NTM: variants seen among roughly 807,000 people sequenced by gnomAD.
The protein encoded by NTM is neurotrimin, also known as IgLON family member 2.
A neutral mutation model predicts 42.1 loss-of-function variants in NTM; 13 were observed. That is an observed-to-expected ratio of 0.31 (90% CI 0.20 to 0.49). NTM has a LOEUF of 0.49. NTM is among the 20% of genes least tolerant of loss of function. The pLI is 0.99. For missense variants in NTM, 373 were observed against 452.8 expected (o/e 0.82, Z 1.60); for synonymous variants, 187 against 179.2 (o/e 1.04, Z -0.35).
At chr11:131,858,848 C>T (rs2136931775) in intron 1 of NTM, among the ~76,000 whole-genome samples, 1 of 152,300 alleles carries the variant, frequency 6.6e-6, no homozygotes, top group African/African-American at 2.4e-5. Flanking sequence ...CCAGGCAACT[C>T]CAAACTTCTG....
intron 1 of NTM, chr11:131,661,011 C>G: frequency 3.8e-6 from 5 of 1,304,330 alleles, no homozygotes; most frequent in Non-Finnish European, 4.0e-6. Context: ...GAAAAAGAAA[C>G]GGGGAAGGTG....
intron 2 of NTM, among the ~76,000 whole-genome samples, chr11:131,928,572 G>A (rs867375887): frequency 2.7e-5 from 4 of 149,198 alleles, no homozygotes; most frequent in East Asian, 2.0e-4. Flanking sequence ...ATGGTCTCCC[G>A]TCTGTGTTTT....
intron 4 of NTM, among the ~76,000 whole-genome samples, chr11:132,264,984 C>T (rs932252534): frequency 6.6e-6 from 1 of 152,172 alleles, no homozygotes; most frequent in African/African-American, 2.4e-5. Context: ...CCAAAAGCTC[C>T]ACCTCCAATC....
intron 1 of NTM, among the ~76,000 whole-genome samples, chr11:131,510,967 G>A (rs1156671442): frequency 2.0e-5 from 3 of 152,238 alleles, no homozygotes; most frequent in Admixed American, 1.3e-4. Flanking sequence ...GGGCCATACT[G>A]TGTCCTAACC....
At chr11:131,397,659 C>A (rs977497800) in intron 1 of NTM, among the ~76,000 whole-genome samples, 1 of 152,190 alleles carries the variant, frequency 6.6e-6, no homozygotes, top group Non-Finnish European at 1.5e-5. Context: ...GGACTAGCAA[C>A]CTCCTTTCCT....
At chr11:131,594,374 A>G (rs558737299) in intron 1 of NTM, among the ~76,000 whole-genome samples, 3 of 152,128 alleles carry the variant, frequency 2.0e-5, no homozygotes, top group Admixed American at 2.0e-4. Flanking sequence ...ACATTCTCAT[A>G]TTACATTTAT....
In NTM at chr11:131,370,707, C is replaced by T; in HGVS notation, c.-100C>T. 2.0e-6 allele frequency: 2 copies of T among 1,007,716 alleles called. No individual in the cohort carries two copies. Among genetic ancestry groups the T allele is most frequent in the Non-Finnish European group, 2.9e-6 (2 of 678,450 alleles). 62.4% of individuals were successfully genotyped at this position (1,007,716 alleles called of 1,614,324 possible). On this transcript the variant is annotated 5_prime_UTR_variant, in exon 1 of 9. Transcript: ENST00000683400. ...CTTCAGCAAAACAGTGGATTTAAAT[C>T]TCCTTGCACAAGCTTGAGAGCAACA...
At chr11:132,157,164 A>G (rs1427518143) in intron 3 of NTM, among the ~76,000 whole-genome samples, 1 of 152,210 alleles carries the variant, frequency 6.6e-6, no homozygotes, top group Non-Finnish European at 1.5e-5. Context: ...AAGCCACTAA[A>G]TATATGGAAA....
At chr11:131,952,027 A>T (rs1013602914) in intron 2 of NTM, among the ~76,000 whole-genome samples, 1 of 152,124 alleles carries the variant, frequency 6.6e-6, no homozygotes, top group Non-Finnish European at 1.5e-5. Context: ...AACAAGTCTG[A>T]TAATACATTC....
At chr11:131,772,941 C>T (rs1272704306) in intron 1 of NTM, among the ~76,000 whole-genome samples, 2 of 152,110 alleles carry the variant, frequency 1.3e-5, no homozygotes, top group Non-Finnish European at 2.9e-5. Context: ...ATTTTTTAGA[C>T]AGACAAAGAG....
chr11:131,527,503 G>T (rs993909221), intron 1 of NTM, among the ~76,000 whole-genome samples: 1 of 152,148 alleles, frequency 6.6e-6, no homozygotes, highest in African/African-American at 2.4e-5. Flanking sequence ...ATTACACTGA[G>T]ATTTGCTCTA....
At chr11:131,908,888 C>T (rs2054258671) in intron 1 of NTM, among the ~76,000 whole-genome samples, 2 of 152,176 alleles carry the variant, frequency 1.3e-5, no homozygotes, top group Non-Finnish European at 2.9e-5. Flanking sequence ...AAACAAAGAT[C>T]TTCTGCTCCC....
At chr11:131,795,729 G>T in intron 1 of NTM, 2 of 985,372 alleles carry the variant, frequency 2.0e-6, no homozygotes, top group Non-Finnish European at 2.4e-6. Flanking sequence ...TGCCTGAGGT[G>T]GTGACAGTGT....
intron 1 of NTM, among the ~76,000 whole-genome samples, chr11:131,680,165 T>C (rs912318658): frequency 2.0e-5 from 3 of 152,102 alleles, no homozygotes; most frequent in Non-Finnish European, 2.9e-5. Flanking sequence ...TACGTCTCTG[T>C]GTTGGCCGTC....
At chr11:131,405,504 G>T (rs1292588732) in intron 1 of NTM, among the ~76,000 whole-genome samples, 2 of 151,952 alleles carry the variant, frequency 1.3e-5, no homozygotes, top group Non-Finnish European at 2.9e-5. Flanking sequence ...AGCATTTCTT[G>T]TTAGTTCTAC....
intron 3 of NTM, among the ~76,000 whole-genome samples, chr11:132,166,862 C>T (rs2075357972): frequency 6.6e-6 from 1 of 152,152 alleles, no homozygotes; most frequent in Admixed American, 6.5e-5. Context: ...CTCACAATCT[C>T]ATAGCACTTC....
At chr11:131,564,205 T>G (rs1015195354) in intron 1 of NTM, among the ~76,000 whole-genome samples, 3 of 152,274 alleles carry the variant, frequency 2.0e-5, no homozygotes, top group Non-Finnish European at 2.9e-5. Flanking sequence ...GAGGTCCTTT[T>G]CACTCCCTCT....
chr11:131,412,147 G>A (rs1180148116), intron 1 of NTM, among the ~76,000 whole-genome samples: 1 of 152,072 alleles, frequency 6.6e-6, no homozygotes, highest in East Asian at 1.9e-4. Context: ...ACCCTTTCCT[G>A]TTCTGTGTTA....
chr11:131,939,542 C>T (rs781039367), intron 2 of NTM, among the ~76,000 whole-genome samples: 57 of 152,200 alleles, frequency 3.7e-4, no homozygotes, highest in Middle Eastern at 6.8e-3. Flanking sequence ...AAAGTTCCAT[C>T]TCATCTGTGC....
Sources: allele counts gnomAD v4.1 joint callset (sites outside exome capture counted in the v4.1 genomes callset), GRCh38; gene constraint gnomAD v4.1.1; transcripts MANE v1.5; gene names NCBI Gene and HGNC (gene_info 2026-07-23, HGNC 2026-07-21).